TACC2: variants seen among roughly 807,000 people sequenced by gnomAD.
TACC2 encodes transforming acidic coiled-coil-containing protein 2.
In TACC2, 137 loss-of-function variants were observed where a neutral mutation model predicts 227.3. The observed-to-expected ratio is 0.60, with a 90% confidence interval of 0.52 to 0.69. The LOEUF (loss-of-function observed/expected upper bound fraction) is 0.69. Among genes scored for constraint, TACC2 ranks in the 30% least tolerant of loss-of-function variants. TACC2 has a pLI of 0.00. For synonymous variants in TACC2, 1,523 were observed against 1,487.5 expected (o/e 1.02, Z -0.55); for missense variants, 3,470 against 3,694.4 (o/e 0.94, Z 1.57).
At chr10:122,041,706 C>G (rs908386000) in intron 2 of TACC2, among the ~76,000 whole-genome samples, 29 of 152,196 alleles carry the variant, frequency 1.9e-4, no homozygotes, top group Non-Finnish European at 1.8e-4. Context: ...CTTGGCCTCC[C>G]AAAGTGCTAG....
intron 4 of TACC2, among the ~76,000 whole-genome samples, chr10:122,088,275 AG>A (rs2080307925): frequency 6.6e-6 from 1 of 152,096 alleles, no homozygotes; most frequent in Admixed American, 6.5e-5. Flanking sequence ...GGTTATAGTC[AG>A]TCATATATTT....
At position 122,082,660 on chromosome 10, in the gene TACC2, G is replaced by A. The variant is rs1450537702; in HGVS notation, c.160G>A (p.Gly54Arg). ...AAATATTTTCAGCATTGGCAGCGTT[G>A]GGCTTGGAGGCTTCTGCACCGCTTC... ...HRDASSIGSV[G>R]LGGFCTASES... The change falls in exon 4 of 23, where the codon GGG becomes AGG. Residue 54 changes from glycine to arginine, a missense_variant. Around this residue, in one of 10 missense-constraint regions of TACC2, gnomAD observed 405 missense variants for 389.6 expected, o/e 1.04. Transcript: ENST00000369005. The A allele has an allele frequency of 6.2e-7, 1 of 1,606,920 alleles. No individual in the cohort carries two copies. The highest frequency in any genetic ancestry group is 8.5e-7 in the Non-Finnish European group (1 of 1,175,630).
At chr10:122,128,984 G>A (rs1277498847) in intron 5 of TACC2, among the ~76,000 whole-genome samples, 2 of 151,518 alleles carry the variant, frequency 1.3e-5, no homozygotes, top group Middle Eastern at 3.4e-3. Context: ...GGATCATGCT[G>A]CTAAGTTTTT....
intron 5 of TACC2, 30 bp downstream of exon 5, chr10:122,088,621 C>A: frequency 6.2e-7 from 1 of 1,602,362 alleles, no homozygotes; most frequent in African/African-American, 1.3e-5. Context: ...CTTTGGAAGG[C>A]CATGATGCCT....
chr10:122,224,613 C>T, intron 11 of TACC2, 113 bp from the exon 12 acceptor site: 1 of 886,272 alleles, frequency 1.1e-6, no homozygotes, highest in Non-Finnish European at 1.8e-6. Context: ...TCAGAAAGCC[C>T]AGAGCCTTGT....
At chr10:122,186,719 G>C (rs1029473742) in intron 7 of TACC2, among the ~76,000 whole-genome samples, 5 of 152,088 alleles carry the variant, frequency 3.3e-5, no homozygotes, top group Non-Finnish European at 7.4e-5. Flanking sequence ...CACCATGTTG[G>C]CCAGGCTGGC....
intron 7 of TACC2, among the ~76,000 whole-genome samples, chr10:122,182,635 C>T (rs753641180): frequency 1.2e-4 from 18 of 152,102 alleles, no homozygotes; most frequent in African/African-American, 2.4e-4. Context: ...GTTGAAGTAC[C>T]GCTTTTAAGG....
chr10:122,026,663 T>A (rs1259364086), intron 2 of TACC2, among the ~76,000 whole-genome samples: 1 of 150,480 alleles, frequency 6.6e-6, no homozygotes, highest in East Asian at 1.9e-4. Context: ...CTGGCAACCA[T>A]GAATCTTTTT....
At position 122,082,767 on chromosome 10, in the gene TACC2, G is replaced by A. The variant is rs772523083; in HGVS notation, c.267G>A (p.Gly89=). The A allele has an allele frequency of 1.2e-6, 2 of 1,613,954 alleles. No individual in the cohort carries two copies. The highest frequency in any genetic ancestry group is 2.2e-5 in the South Asian group (2 of 91,064). The part of the protein sequence containing the change: ...EPRKDPQGAR[G]PEGSLLPSPP... ...GGAAGGACCCACAGGGAGCCAGGGG[G>A]CCAGAAGGTTCTTTGCTGCCCAGCC... Residue 89 remains glycine, a synonymous_variant, in exon 4 of 23, where the codon GGG becomes GGA. Transcript: ENST00000369005.
chr10:122,203,553 C>T (rs1408787867), intron 8 of TACC2, among the ~76,000 whole-genome samples: 1 of 151,564 alleles, frequency 6.6e-6, no homozygotes, highest in Non-Finnish European at 1.5e-5. Context: ...TCCTCACATC[C>T]CGGATGGGGC....
chr10:122,183,253 A>G (rs943192596), intron 7 of TACC2, among the ~76,000 whole-genome samples: 1 of 152,062 alleles, frequency 6.6e-6, no homozygotes, highest in Non-Finnish European at 1.5e-5. Context: ...GTGGGGGCTT[A>G]GGAGCCAGGA....
intron 5 of TACC2, among the ~76,000 whole-genome samples, chr10:122,100,777 G>A (rs1297654027): frequency 6.6e-6 from 1 of 152,174 alleles, no homozygotes; most frequent in Admixed American, 6.5e-5. Context: ...TGTGGAGAAA[G>A]GTGTAAGTGC....
chr10:122,063,270 C>T (rs1465267573), intron 3 of TACC2, among the ~76,000 whole-genome samples: 1 of 152,254 alleles, frequency 6.6e-6, no homozygotes, highest in Admixed American at 6.5e-5. Flanking sequence ...TGCTCTGTTC[C>T]TTCCAAACTT....
chr10:122,153,930 T>C (rs980614359), intron 7 of TACC2, among the ~76,000 whole-genome samples: 1 of 152,116 alleles, frequency 6.6e-6, no homozygotes, highest in Admixed American at 6.5e-5. Flanking sequence ...CCTGTCTTCC[T>C]CCCTCCGGGC....
At position 122,048,413 on chromosome 10, in the gene TACC2, C is replaced by CT. The variant is rs1379163105; in HGVS notation, c.34-2024dup. Among the ~76,000 whole-genome samples, 379 of 134,776 alleles carry CT rather than the reference C, an allele frequency of 2.8e-3. 3 individuals carry two copies. The highest frequency in any genetic ancestry group is 5.0e-3 in the East Asian group (23 of 4,634). 88.4% of individuals were successfully genotyped at this position (134,776 alleles called of 152,430 possible). A position where few individuals can be genotyped will look rare whatever the true frequency, so the allele number is the denominator to read the frequency against. ...CTCCCTTTCCTTCCTTCCTCCCTCCCTCCCTTCCTTCCCTCCTTGCTTCCT... is the reference window on the plus strand; with the variant it reads ...CTCCCTTTCCTTCCTTCCTCCCTCCCTTCCCTTCCTTCCCTCCTTGCTTCCT... On this transcript the variant is annotated intron_variant, in intron 2 of 22. Coordinates refer to ENST00000369005, the MANE Select transcript of TACC2 (RefSeq NM_206862.4).
At chr10:122,246,548 G>T (rs377417494) in intron 19 of TACC2, 1 of 152,186 alleles carries the variant, frequency 6.6e-6, no homozygotes, top group Admixed American at 6.5e-5. Flanking sequence ...CTTGGCTTTG[G>T]GCTCTGCCAT....
chr10:122,200,364 CCTG>C lies in TACC2; in HGVS notation c.5971+5190_5971+5192del, dbSNP rs200540753. On this transcript the variant is annotated intron_variant, in intron 8 of 22. Coordinates refer to ENST00000369005, the MANE Select transcript of TACC2 (RefSeq NM_206862.4). ...GAGACATGAGAGGATGGCGACCTCA[CCTG>C]CCCACAGTGGCCACATCTACAGTGA... 9.1e-4 allele frequency among the ~76,000 whole-genome samples: 139 copies of C among 152,306 alleles called. 3 individuals are homozygous for C. In the East Asian group the frequency reaches 0.019, roughly 21 times the overall value.
chr10:122,156,729 A>G (rs1488434764), intron 7 of TACC2, among the ~76,000 whole-genome samples: 2 of 152,314 alleles, frequency 1.3e-5, no homozygotes, highest in Non-Finnish European at 2.9e-5. Context: ...AATTGACTCC[A>G]TGACATCCTC....
rs1454032760 is a variant in TACC2, at chr10:122,087,178, C to T, written c.4678C>T (p.Leu1560Phe). The stretch of plus-strand genomic sequence containing the variant: ...GAGCAGGCAGGAATTAGCTTCAGGT[C>T]TTCCTTCACCAGCAGCTACTCAGGA... ...ERSRQELASG[L>F]PSPAATQELP... The change falls in exon 4 of 23, where the codon CTT becomes TTT. Residue 1560 changes from leucine to phenylalanine, a missense_variant. This residue lies in a region of TACC2 where 1,924 missense variants were observed against 1,978.3 expected (regional missense o/e 0.97). Coordinates refer to ENST00000369005, the MANE Select transcript of TACC2 (RefSeq NM_206862.4). 6.2e-7 allele frequency: 1 copy of T among 1,611,302 alleles called. No homozygotes were observed. Among genetic ancestry groups the T allele is most frequent in the South Asian group, 1.1e-5 (1 of 90,662 alleles).
Sources: allele counts gnomAD v4.1 joint callset (sites outside exome capture counted in the v4.1 genomes callset), GRCh38; gene constraint gnomAD v4.1.1; regional missense constraint gnomAD v4.1.1; transcripts MANE v1.5; gene names NCBI Gene and HGNC (gene_info 2026-07-23, HGNC 2026-07-21).